DNAH9: variants seen among roughly 807,000 people sequenced by gnomAD.
DNAH9 encodes the protein DNAH9 variant protein.
A neutral mutation model predicts 471.6 loss-of-function variants in DNAH9; 345 were observed. The observed-to-expected ratio is 0.73, with a 90% CI of 0.67 to 0.80. The LOEUF is 0.80. Among genes scored for constraint, DNAH9 ranks in the 30% least tolerant of loss-of-function variants. DNAH9 has a pLI of 0.00. For synonymous variants in DNAH9, 2,093 were observed against 2,123.6 expected, an observed-to-expected ratio of 0.99 and a Z score of 0.40; for missense variants, 5,407 against 5,609.2, an observed-to-expected ratio of 0.96 and a Z score of 1.15.
In DNAH9 at chr17:11,781,831, TA is replaced by T. The variant is rs751229321; in HGVS notation, c.7718+669del. 4.8e-4 allele frequency among the ~76,000 whole-genome samples: 52 copies of T among 108,558 alleles called. 1 individual carries two copies. Among genetic ancestry groups the T allele is most frequent in the South Asian group, 1.3e-3 (4 of 3,120 alleles). 71.2% of individuals were successfully genotyped at this position (108,558 alleles called of 152,430 possible). ...TGGGCAACAGAGCGAGACTCCATCT[TA>T]AAAAAAAAAAACAAACAAAAAAAAA... On this transcript the variant is annotated intron_variant, in intron 39 of 68. Transcript: ENST00000262442.
intron 33 of DNAH9, among the ~76,000 whole-genome samples, chr17:11,754,134 A>C (rs1477790554): frequency 9.8e-4 from 45 of 45,898 alleles, no homozygotes; most frequent in South Asian, 3.6e-3. Context: ...TCATGTTCCC[A>C]AAAAAAAAAA....
At chr17:11,955,745 A>C (rs1567574905) in intron 67 of DNAH9, among the ~76,000 whole-genome samples, 1 of 152,322 alleles carries the variant, frequency 6.6e-6, no homozygotes, top group East Asian at 1.9e-4. Flanking sequence ...GATCACATAG[A>C]GTGCATCCTC....
chr17:11,923,772 T>G, intron 61 of DNAH9, 42 bp from the exon 62 acceptor site: 1 of 1,608,172 alleles, frequency 6.2e-7, no homozygotes, highest in Non-Finnish European at 8.5e-7. Context: ...CATCCATCAT[T>G]AGACACAAGA....
Position 11,763,551 on chromosome 17 carries a change from T to C in DNAH9, c.7107T>C (p.Ile2369=), listed in dbSNP as rs1160205638. 8 of 1,613,990 alleles carry C rather than the reference T, an allele frequency of 5.0e-6. No homozygotes were observed. The highest frequency in any genetic ancestry group is 6.8e-6 in the Non-Finnish European group (8 of 1,180,020). The change falls in exon 36 of 69, where the codon ATT becomes ATC. Residue 2369 remains isoleucine, a synonymous_variant. Coordinates refer to ENST00000262442, the MANE Select transcript of DNAH9 (RefSeq NM_001372.4). ...TCCCTGCAGACTGCCCTAAGGAAATTTATGAGCATTATTTTGTGTTTGCTG... is the reference window on the plus strand; with the variant it reads ...TCCCTGCAGACTGCCCTAAGGAAATCTATGAGCATTATTTTGTGTTTGCTG... The part of the protein sequence containing the change: ...EDIPADCPKE[I]YEHYFVFAAI...
chr17:11,714,676 A>G (rs2074929194), intron 26 of DNAH9, among the ~76,000 whole-genome samples: 1 of 152,190 alleles, frequency 6.6e-6, no homozygotes, highest in Non-Finnish European at 1.5e-5. Context: ...ATAATTATAT[A>G]AGCCCTTAAA....
intron 67 of DNAH9, among the ~76,000 whole-genome samples, chr17:11,946,718 A>G (rs79121864): frequency 0.056 from 8,517 of 151,510 alleles, 454 homozygotes; most frequent in East Asian, 0.18. Context: ...TACCCTCTAA[A>G]TATATAACGG....
chr17:11,812,008 AAAAAAAAAAAAAAAAAAAATATATAT>A (rs1199163166), intron 45 of DNAH9, among the ~76,000 whole-genome samples: 6 of 54,062 alleles, frequency 1.1e-4, no homozygotes, highest in African/African-American at 5.3e-4. Flanking sequence ...AAAAAAAAAA[AAAAAAAAAAAAAAAAAAAATATATAT>A]ATATATATAT....
At chr17:11,667,317 A>G (rs1287086638) in intron 15 of DNAH9, among the ~76,000 whole-genome samples, 4 of 152,210 alleles carry the variant, frequency 2.6e-5, no homozygotes, top group Non-Finnish European at 4.4e-5. Context: ...TATAAACTAT[A>G]CCATCTTATA....
rs1336687693 is a variant in DNAH9 at position 11,669,379 on chromosome 17, G to T, written c.2938G>T (p.Asp980Tyr). ...NGSPHYQVDL[D>Y]GIPDLANMRR... ...TGTCTCGCTTCCCCAGGTCGACCTG[G>T]ACGGTATACCAGATTTGGCAAACAT... The change falls in exon 17 of 69, where the codon GAC becomes TAC. Residue 980 changes from aspartate to tyrosine, a missense_variant. Around this residue, in one of 3 missense-constraint regions of DNAH9, gnomAD observed 4,636 missense variants for 4,900.3 expected, o/e 0.95. Transcript: ENST00000262442. 6 of 1,611,700 alleles carry T rather than the reference G, an allele frequency of 3.7e-6. No individual in the cohort carries two copies. In the South Asian group the frequency reaches 6.6e-5, roughly 18 times the overall value.
intron 55 of DNAH9, among the ~76,000 whole-genome samples, chr17:11,882,147 A>G (rs1972750034): frequency 6.6e-6 from 1 of 152,212 alleles, no homozygotes; most frequent in South Asian, 2.1e-4. Context: ...TTGTTCTCCT[A>G]TAATTCTGGA....
chr17:11,743,701 TCTGTGC>T (rs2150838130), intron 30 of DNAH9, among the ~76,000 whole-genome samples: 1 of 152,324 alleles, frequency 6.6e-6, no homozygotes, highest in Admixed American at 6.5e-5. Flanking sequence ...TTCTTTTTCG[TCTGTGC>T]CTGACTGAAT....
At chr17:11,941,121 T>C (rs909142623) in intron 66 of DNAH9, among the ~76,000 whole-genome samples, 3 of 152,134 alleles carry the variant, frequency 2.0e-5, no homozygotes, top group Admixed American at 1.3e-4. Context: ...CATAATCTGA[T>C]TGGCCTAACT....
chr17:11,770,728 T>G (rs1968173752), intron 38 of DNAH9, among the ~76,000 whole-genome samples: 1 of 152,234 alleles, frequency 6.6e-6, no homozygotes, highest in African/African-American at 2.4e-5. Context: ...ATTCAAGTAC[T>G]GAAGGAATCG....
chr17:11,644,507 A>T, intron 10 of DNAH9, 124 bp from the exon 11 acceptor site: 2 of 676,962 alleles, frequency 3.0e-6, no homozygotes. Flanking sequence ...AGGCTCTTTC[A>T]GGGCTGTTTG....
intron 4 of DNAH9, among the ~76,000 whole-genome samples, chr17:11,615,632 T>A (rs1406135761): frequency 6.6e-6 from 1 of 152,010 alleles, no homozygotes; most frequent in Non-Finnish European, 1.5e-5. Context: ...TCTCTCTCTC[T>A]CTCTTCATAT....
At chr17:11,928,092 T>C (rs1052291492) in intron 62 of DNAH9, among the ~76,000 whole-genome samples, 1 of 50,816 alleles carries the variant, frequency 2.0e-5, no homozygotes, top group East Asian at 4.3e-4. Flanking sequence ...TACAAAATCC[T>C]TTATTTATTT....
At chr17:11,625,248 A>T (rs923165644) in intron 6 of DNAH9, among the ~76,000 whole-genome samples, 1 of 152,182 alleles carries the variant, frequency 6.6e-6, no homozygotes, top group African/African-American at 2.4e-5. Context: ...GCTGTGATTC[A>T]TTTGGAGACA....
At position 11,752,813 on chromosome 17, in the gene DNAH9, G is replaced by T. The variant is rs1383607122; in HGVS notation, c.6611-20G>T. The T allele has an allele frequency of 1.3e-6, 2 of 1,535,638 alleles. No individual in the cohort carries two copies. Among genetic ancestry groups the T allele is most frequent in the Admixed American group, 4.1e-5 (2 of 48,682 alleles). ...GATTAATGAAGAAATGGAAAATAAG[G>T]TGTCAGTGGTTCCTTTTAGGATTGT... On this transcript the variant is annotated intron_variant, in intron 32 of 68. Transcript: ENST00000262442.
intron 59 of DNAH9, 38 bp from the exon 60 acceptor site, chr17:11,902,681 T>G (rs1364461780): frequency 1.3e-6 from 2 of 1,580,342 alleles, no homozygotes; most frequent in Non-Finnish European, 1.7e-6. Context: ...GACAGCTTTC[T>G]GGAGAAACTG....
Sources: gnomAD v4.1 joint callset for allele counts (sites outside exome capture counted in the v4.1 genomes callset) on GRCh38, gnomAD v4.1.1 for gene constraint, gnomAD v4.1.1 regional missense constraint, MANE v1.5 for transcripts, NCBI Gene and HGNC (gene_info 2026-07-23, HGNC 2026-07-21) for gene names.